SEL1L3: variants seen among roughly 807,000 people sequenced by gnomAD.
The protein encoded by SEL1L3 is protein sel-1 homolog 3.
SEL1L3 carries 76 observed loss-of-function variants against 142.8 expected under a neutral mutation model. That is an observed-to-expected ratio of 0.53 (90% CI 0.44 to 0.64). SEL1L3 has a LOEUF of 0.64. Ranked by LOEUF, SEL1L3 falls within the 30% of genes least tolerant of loss-of-function variation. The probability of loss-of-function intolerance (pLI) is 0.00; values close to 1 mark genes in which losing one functional copy is unlikely to be tolerated. For missense variants in SEL1L3, 1,262 were observed against 1,381.7 expected, an observed-to-expected ratio of 0.91 and a Z score of 1.37; for synonymous variants, 504 against 519.6, an observed-to-expected ratio of 0.97 and a Z score of 0.41.
the SEL1L3 span, among the ~76,000 whole-genome samples, chr4:25,740,305 C>T: frequency 1.2e-4 from 18 of 149,036 alleles, no homozygotes; most frequent in East Asian, 5.9e-4. Flanking sequence ...ATGGTGGCCA[C>T]ACCTGTAATC....
In SEL1L3 at chr4:25,819,829, C is replaced by G. The variant is rs773292219; in HGVS notation, c.1402G>C (p.Gly468Arg). The change falls in exon 8 of 24, where the codon GGG becomes CGG. Residue 468 changes from glycine to arginine, a missense_variant. By Grantham distance (125) the Gly-to-Arg change is moderately radical (BLOSUM62 -2). Transcript: ENST00000399878. The part of the protein sequence containing the change: ...VSVYASAAKH[G>R]GERQEACHLH... ...TTACATGCTTCTTGTCTCTCGCCCC[C>G]GTGCTTTGCTGCAGATGCATACACA... 6.2e-7 allele frequency: 1 copy of G among 1,612,294 alleles called. No homozygotes were observed. Among genetic ancestry groups the G allele is most frequent in the Non-Finnish European group, 8.5e-7 (1 of 1,179,358 alleles).
In SEL1L3 at chr4:25,760,415, A is replaced by G. The variant is rs576093935; in HGVS notation, c.2956-1347T>C. Reference sequence around the variant, plus strand: ...ATGTGTCTTCATAACAGAACGATTTATATTCCTTTGGGTATATACCCAGTA... The same window carrying G: ...ATGTGTCTTCATAACAGAACGATTTGTATTCCTTTGGGTATATACCCAGTA... On this transcript the variant is annotated intron_variant, in intron 20 of 23. Coordinates refer to ENST00000399878, the MANE Select transcript of SEL1L3 (RefSeq NM_015187.5). Among the ~76,000 whole-genome samples the G allele has an allele frequency of 7.2e-5, 11 of 152,308 alleles. No individual in the cohort carries two copies. The South Asian group carries it at 2.3e-3, about 32-fold the overall frequency.
At chr4:25,818,356 A>G in intron 8 of SEL1L3, 78 bp from the exon 9 acceptor site, 1 of 1,257,864 alleles carries the variant, frequency 7.9e-7, no homozygotes, top group Non-Finnish European at 1.1e-6. Flanking sequence ...CCTTCTTCCT[A>G]ACAGGAACTA....
At chr4:25,739,967 T>A in the SEL1L3 span, among the ~76,000 whole-genome samples, 1 of 151,864 alleles carries the variant, frequency 6.6e-6, no homozygotes, top group Non-Finnish European at 1.5e-5. Flanking sequence ...ATTAATTAAT[T>A]AATTTATTTA....
chr4:25,794,415 G>A (rs1446128166), intron 11 of SEL1L3, among the ~76,000 whole-genome samples: 1 of 152,166 alleles, frequency 6.6e-6, no homozygotes, highest in African/African-American at 2.4e-5. Context: ...GGCAACAAAT[G>A]TAGGGGAAAA....
At chr4:25,771,163 T>C (rs182475608) in intron 17 of SEL1L3, among the ~76,000 whole-genome samples, 218 of 152,338 alleles carry the variant, frequency 1.4e-3, no homozygotes, top group African/African-American at 5.0e-3. Context: ...AAACATTTAC[T>C]CAGCATTTTT....
intron 9 of SEL1L3, among the ~76,000 whole-genome samples, chr4:25,810,732 C>T (rs898333206): frequency 7.2e-5 from 11 of 152,124 alleles, no homozygotes; most frequent in East Asian, 1.9e-4. Flanking sequence ...AGAGTCTAGA[C>T]GGTGGTGAAC....
chr4:25,851,297 GC>G (rs1420013673), intron 1 of SEL1L3, among the ~76,000 whole-genome samples: 1 of 151,990 alleles, frequency 6.6e-6, no homozygotes, highest in Non-Finnish European at 1.5e-5. Context: ...ACATTTCATT[GC>G]CCCAAAATGA....
chr4:25,845,918 T>C (rs1178265282), intron 2 of SEL1L3, among the ~76,000 whole-genome samples: 3 of 152,036 alleles, frequency 2.0e-5, no homozygotes, highest in Non-Finnish European at 4.4e-5. Flanking sequence ...TTCTCAAGTT[T>C]TAGGGTGCAT....
At chr4:25,840,585 G>A (rs1353074671) in intron 2 of SEL1L3, among the ~76,000 whole-genome samples, 1 of 152,190 alleles carries the variant, frequency 6.6e-6, no homozygotes, top group Non-Finnish European at 1.5e-5. Context: ...TCTTATTTAA[G>A]AGGGAAGATC....
intron 6 of SEL1L3, among the ~76,000 whole-genome samples, chr4:25,825,902 G>C (rs566029179): frequency 3.0e-4 from 45 of 151,978 alleles, no homozygotes; most frequent in African/African-American, 1.1e-3. Context: ...TCCATCTCTT[G>C]ACCTCATGAT....
intron 11 of SEL1L3, among the ~76,000 whole-genome samples, chr4:25,795,980 C>A (rs1373816953): frequency 6.6e-6 from 1 of 151,900 alleles, no homozygotes; most frequent in African/African-American, 2.4e-5. Context: ...CTGGTGGACA[C>A]TGGCAGGAAC....
chr4:25,740,355 C>A, the SEL1L3 span, among the ~76,000 whole-genome samples: 1 of 151,770 alleles, frequency 6.6e-6, no homozygotes, highest in Admixed American at 6.6e-5. Context: ...ATCACTTGAA[C>A]CCAGGAGGCA....
At chr4:25,786,310 T>C (rs1037783433) in intron 13 of SEL1L3, among the ~76,000 whole-genome samples, 1 of 152,200 alleles carries the variant, frequency 6.6e-6, no homozygotes, top group Non-Finnish European at 1.5e-5. Context: ...CACTTGAGGA[T>C]ATCTTCTAGC....
intron 23 of SEL1L3, chr4:25,756,917 T>A (rs1468873030): frequency 3.9e-6 from 5 of 1,277,968 alleles, no homozygotes; most frequent in Non-Finnish European, 1.0e-6. Flanking sequence ...TTCTGACAGA[T>A]AAATTTTCAA....
At chr4:25,720,378 CA>C in the SEL1L3 span, 1 of 152,046 alleles carries the variant, frequency 6.6e-6, no homozygotes, top group East Asian at 1.9e-4. Flanking sequence ...GTGGGATCCA[CA>C]ATGCTATTAT....
chr4:25,826,242 G>A (rs1715085663), intron 6 of SEL1L3, among the ~76,000 whole-genome samples: 1 of 152,200 alleles, frequency 6.6e-6, no homozygotes, highest in African/African-American at 2.4e-5. Context: ...ATAGAGGCCT[G>A]AAGCTGTCAC....
chr4:25,833,337 G>T (rs1577673601), intron 4 of SEL1L3, 111 bp downstream of exon 4: 2 of 1,050,952 alleles, frequency 1.9e-6, no homozygotes, highest in Non-Finnish European at 2.8e-6. Flanking sequence ...CATTGCTCTT[G>T]CTGGGCTGCC....
chr4:25,836,826 T>C (rs977364476), intron 2 of SEL1L3, among the ~76,000 whole-genome samples: 3 of 152,208 alleles, frequency 2.0e-5, no homozygotes, highest in Non-Finnish European at 4.4e-5. Flanking sequence ...CTTAGGATGC[T>C]GGACATCCCA....
Sources: allele counts gnomAD v4.1 joint callset (sites outside exome capture counted in the v4.1 genomes callset), GRCh38; gene constraint gnomAD v4.1.1; transcripts MANE v1.5; gene names NCBI Gene and HGNC (gene_info 2026-07-23, HGNC 2026-07-21).